Variants in CHRAC1 observed in about 807,000 individuals in gnomAD.
The protein encoded by CHRAC1 is chromatin accessibility complex subunit 1.
A neutral mutation model predicts 9.1 loss-of-function variants in CHRAC1; 6 were observed. That is an observed-to-expected ratio of 0.66 (90% CI 0.36 to 1.29). The LOEUF is 1.29. Among genes scored for constraint, CHRAC1 ranks in the 50% most tolerant of loss-of-function variants. The pLI is 0.03. For synonymous variants in CHRAC1, 73 were observed against 64.5 expected (o/e 1.13, Z -0.63); for missense variants, 168 against 163.5 (o/e 1.03, Z -0.15).
chr8:140,514,280 TAAGGAATC>T (rs2072311871), intron 1 of CHRAC1, 81 bp from the exon 2 acceptor site: 1 of 1,355,648 alleles, frequency 7.4e-7, no homozygotes, highest in African/African-American at 1.5e-5. Flanking sequence ...TAAGCCTAAT[TAAGGAATC>T]AACAATGTAA....
chr8:140,513,497 G>A (rs1262087129), intron 1 of CHRAC1, among the ~76,000 whole-genome samples: 2 of 151,808 alleles, frequency 1.3e-5, no homozygotes, highest in African/African-American at 4.8e-5. Context: ...GTGCAGTGGC[G>A]CGATCTCGGC....
Position 140,516,007 on chromosome 8 carries a change from AT to A in CHRAC1, c.*762del, listed in dbSNP as rs1476849599. 6.6e-6 allele frequency: 1 copy of A among 152,180 alleles called. No individual in the cohort carries two copies. Among genetic ancestry groups the A allele is most frequent in the African/African-American group, 2.4e-5 (1 of 41,438 alleles). 9.4% of individuals were successfully genotyped at this position (152,180 alleles called of 1,614,324 possible). On this transcript the variant is annotated 3_prime_UTR_variant, in exon 3 of 3. Coordinates refer to ENST00000220913, the MANE Select transcript of CHRAC1 (RefSeq NM_017444.6). ...AAAAAAATTTTGAAACATTTTGTATATTGGAGATCTCTCTCATCTTACTGTT... is the reference window on the plus strand; with the variant it reads ...AAAAAAATTTTGAAACATTTTGTATATGGAGATCTCTCTCATCTTACTGTT...
At chr8:140,511,873 G>T (rs1375874224) in intron 1 of CHRAC1, 3 of 741,514 alleles carry the variant, frequency 4.0e-6, no homozygotes, top group Non-Finnish European at 6.3e-6. Flanking sequence ...GCTCCCTCAC[G>T]TTCTCCAGTT....
rs760224573 is a variant in CHRAC1, at chr8:140,514,361, T to G, written c.148-8T>G. 6.4e-7 allele frequency: 1 copy of G among 1,569,250 alleles called. No individual in the cohort carries two copies. The highest frequency in any genetic ancestry group is 8.6e-7 in the Non-Finnish European group (1 of 1,167,624). On this transcript the variant is annotated splice_polypyrimidine_tract_variant and splice_region_variant and intron_variant, in intron 1 of 2. Transcript: ENST00000220913. ...CACCTTTCATTTGCATTTTTCATTT[T>G]GTTCTAGGAGCTCTTTGTTCAATGC... is the stretch of plus-strand genomic sequence containing the variant.
intron 1 of CHRAC1, chr8:140,511,938 C>T (rs1224173803): frequency 8.0e-6 from 10 of 1,255,486 alleles, no homozygotes; most frequent in Non-Finnish European, 1.0e-5. Flanking sequence ...TCCTTCGCTC[C>T]GCCCGCCCCT....
intron 1 of CHRAC1, 188 bp downstream of exon 1, chr8:140,511,834 G>T: frequency 2.6e-6 from 2 of 774,110 alleles, no homozygotes; most frequent in South Asian, 1.4e-5. Flanking sequence ...ACACTTTCTC[G>T]CGCGTCTTCG....
In CHRAC1 at chr8:140,514,703, G is replaced by T. The variant is rs2072316169; in HGVS notation, c.274+208G>T. On this transcript the variant is annotated intron_variant, in intron 2 of 2. Coordinates refer to ENST00000220913, the MANE Select transcript of CHRAC1 (RefSeq NM_017444.6). ...CATGTGGTCCACCTAGAACAATAGT[G>T]AAGCCAACAACATTCACAAGATGTT... is the stretch of plus-strand genomic sequence containing the variant. The T allele has an allele frequency of 6.7e-6, 3 of 449,180 alleles. No individual in the cohort carries two copies. The Admixed American group carries it at 1.3e-4, about 20-fold the overall frequency. 27.8% of individuals were successfully genotyped at this position (449,180 alleles called of 1,614,324 possible). A position where few individuals can be genotyped will look rare whatever the true frequency, so the allele number is the denominator to read the frequency against.
rs368248267 is a variant in CHRAC1 at position 140,513,444 on chromosome 8, CT to C, written c.148-916del. Among the ~76,000 whole-genome samples the C allele has an allele frequency of 1.6e-4, 24 of 150,500 alleles. No homozygotes were observed. The East Asian group carries it at 3.9e-3, about 24-fold the overall frequency. On this transcript the variant is annotated intron_variant, in intron 1 of 2. Coordinates refer to ENST00000220913, the MANE Select transcript of CHRAC1 (RefSeq NM_017444.6). Reference sequence around the variant, plus strand: ...TTTTTGCTACTTTCTATTTTTTTTTCTTTTTTTTTGAGACGGAGTCTCGCTC... The same window carrying C: ...TTTTTGCTACTTTCTATTTTTTTTTCTTTTTTTTGAGACGGAGTCTCGCTC...
intron 1 of CHRAC1, chr8:140,512,067 C>T: frequency 1.6e-6 from 2 of 1,259,754 alleles, no homozygotes; most frequent in Non-Finnish European, 2.1e-6. Context: ...GTCCCTCCCA[C>T]CTGTGCGCTC....
rs1195247781 is a variant in CHRAC1, at chr8:140,515,601, T to A, written c.*354T>A. 1 of 155,026 alleles carries A rather than the reference T, an allele frequency of 6.5e-6. No homozygotes were observed. The highest frequency in any genetic ancestry group is 2.6e-5 in the African/African-American group (1 of 37,988). The allele number at this position is 155,026 out of a possible 1,614,324, so 9.6% of individuals were successfully genotyped here. ...GTCGATTTTGAAGAGCTTCTACATA[T>A]CGGTTATGTAAATTCATATATGTAT... On this transcript the variant is annotated 3_prime_UTR_variant, in exon 3 of 3. Coordinates refer to ENST00000220913, the MANE Select transcript of CHRAC1 (RefSeq NM_017444.6).
rs751059174 is a variant in CHRAC1, at chr8:140,511,662, G to A, written c.147+16G>A. 6 of 1,377,374 alleles carry A rather than the reference G, an allele frequency of 4.4e-6. No homozygotes were observed. In the South Asian group the frequency reaches 5.7e-5, roughly 13 times the overall value. The allele number at this position is 1,377,374 out of a possible 1,614,324, so 85.3% of individuals were successfully genotyped here. ...CAAGGCCACGGTGAGGGGGCAGGGC[G>A]GGGGTGTGGGCCGCCCTTACCCCTC... On this transcript the variant is annotated intron_variant, in intron 1 of 2. Coordinates refer to ENST00000220913, the MANE Select transcript of CHRAC1 (RefSeq NM_017444.6).
At position 140,512,543 on chromosome 8, in the gene CHRAC1, A is replaced by G. The variant is rs181046152; in HGVS notation, c.147+897A>G. ...AGGCCAGATGTTTTCCTGTTCTGAC[A>G]CTGGGCCATGTTTCAGCTACACAGT... On this transcript the variant is annotated intron_variant, in intron 1 of 2. Transcript: ENST00000220913. Among the ~76,000 whole-genome samples the G allele has an allele frequency of 3.7e-4, 56 of 152,346 alleles. 1 individual carries two copies. The East Asian group carries it at 9.1e-3, about 25-fold the overall frequency.
At chr8:140,515,058 T>G in intron 2 of CHRAC1, 68 bp from the exon 3 acceptor site, 1 of 1,482,596 alleles carries the variant, frequency 6.7e-7, no homozygotes, top group Non-Finnish European at 9.3e-7. Flanking sequence ...TAGTACATTT[T>G]GAAATGTGCA....
At chr8:140,511,849 G>A in intron 1 of CHRAC1, 2 of 652,106 alleles carry the variant, frequency 3.1e-6, no homozygotes, top group Middle Eastern at 3.9e-4. Flanking sequence ...TCTTCGCCCC[G>A]CCCACCCCTC....
intron 1 of CHRAC1, chr8:140,511,943 GC>G: frequency 8.6e-7 from 1 of 1,164,358 alleles, no homozygotes; most frequent in Non-Finnish European, 1.1e-6. Context: ...CGCTCCGCCC[GC>G]CCCTTCCTTC....
intron 1 of CHRAC1, among the ~76,000 whole-genome samples, chr8:140,513,459 G>A (rs970621192): frequency 5.3e-5 from 8 of 151,298 alleles, no homozygotes; most frequent in African/African-American, 1.5e-4. Flanking sequence ...TTTTTGAGAC[G>A]GAGTCTCGCT....
Position 140,512,051 on chromosome 8 carries a change from C to T in CHRAC1, c.147+405C>T, listed in dbSNP as rs557786873. 3.4e-4 allele frequency: 435 copies of T among 1,280,354 alleles called. 3 individuals carry two copies. Among genetic ancestry groups the T allele is most frequent in the Middle Eastern group, 4.3e-4 (2 of 4,668 alleles). The allele number at this position is 1,280,354 out of a possible 1,614,324, so 79.3% of individuals were successfully genotyped here. On this transcript the variant is annotated intron_variant, in intron 1 of 2. Transcript: ENST00000220913. ...GTAAGCTCCCGCGTTCCTCTGCGCG[C>T]CTTTCGTCCCTCCCACCTGTGCGCT...
intron 1 of CHRAC1, 94 bp downstream of exon 1, chr8:140,511,740 G>C (rs2072277506): frequency 8.9e-7 from 1 of 1,123,792 alleles, no homozygotes; most frequent in African/African-American, 1.7e-5. Flanking sequence ...AGGCCCGCGC[G>C]CCGCCGGCTG....
At chr8:140,513,204 T>C (rs987074198) in intron 1 of CHRAC1, among the ~76,000 whole-genome samples, 4 of 152,220 alleles carry the variant, frequency 2.6e-5, no homozygotes, top group Non-Finnish European at 5.9e-5. Context: ...AAATGAAGAC[T>C]TGGCCCTGCT....
Sources: gnomAD v4.1 joint callset for allele counts (sites outside exome capture counted in the v4.1 genomes callset) on GRCh38, gnomAD v4.1.1 for gene constraint, MANE v1.5 for transcripts, NCBI Gene and HGNC (gene_info 2026-07-23, HGNC 2026-07-21) for gene names.